DCDC2C: variants seen among roughly 807,000 people sequenced by gnomAD.
DCDC2C encodes the protein doublecortin domain containing 2C.
Under a neutral mutation model 45.0 loss-of-function variants are expected in DCDC2C, and 44 were observed. The ratio of observed to expected loss-of-function variants is 0.98; its 90% CI spans 0.77 to 1.26. The LOEUF (loss-of-function observed/expected upper bound fraction) is 1.26. Ranked by LOEUF, DCDC2C falls within the 50% of genes most tolerant of loss-of-function variation. DCDC2C has a pLI of 0.00. For missense variants in DCDC2C, 447 were observed against 468.9 expected (o/e 0.95, Z 0.43); for synonymous variants, 187 against 178.8 (o/e 1.05, Z -0.37).
At position 3,761,060 on chromosome 2, in the gene DCDC2C, T is replaced by G. The variant is rs1669867045; in HGVS notation, c.726+6426T>G. 6.6e-6 allele frequency among the ~76,000 whole-genome samples: 1 copy of G among 152,230 alleles called. No homozygotes were observed. The highest frequency in any genetic ancestry group is 6.5e-5 in the Admixed American group (1 of 15,292). On this transcript the variant is annotated intron_variant, in intron 6 of 10. Coordinates refer to ENST00000399143, the MANE Select transcript of DCDC2C (RefSeq NM_001287444.2). This position sits in a 1 kb window ranked among gnomAD's most constrained non-coding sequence, Gnocchi z 4.3. The stretch of plus-strand genomic sequence containing the variant: ...CAATTAACTGGAACTTTTAGTCCAA[T>G]GAAAGTAATTGAATGAAGCTACTCT...
At chr2:3,775,082 T>C (rs1039332750) in intron 8 of DCDC2C, among the ~76,000 whole-genome samples, 3 of 151,972 alleles carry the variant, frequency 2.0e-5, no homozygotes, top group Non-Finnish European at 4.4e-5. Context: ...TTTTTTTTTT[T>C]GGGTGAGGAA....
chr2:3,810,284 T>C (rs1451380711), intron 10 of DCDC2C, among the ~76,000 whole-genome samples: 1 of 152,230 alleles, frequency 6.6e-6, no homozygotes, highest in Non-Finnish European at 1.5e-5. Context: ...ATAATTGCCA[T>C]TTGGACTGGT....
chr2:3,762,559 C>T (rs1339676577), intron 6 of DCDC2C, among the ~76,000 whole-genome samples: 1 of 152,094 alleles, frequency 6.6e-6, no homozygotes, highest in Non-Finnish European at 1.5e-5. Flanking sequence ...GTAGGTGTCT[C>T]ACATGGCAAA....
At chr2:3,753,914 A>G (rs1159931081) in intron 5 of DCDC2C, among the ~76,000 whole-genome samples, 1 of 152,174 alleles carries the variant, frequency 6.6e-6, no homozygotes, top group Non-Finnish European at 1.5e-5. Flanking sequence ...CCTGGCACAC[A>G]TGGATATTTC....
chr2:3,826,408 A>G (rs1671816684), intron 10 of DCDC2C, among the ~76,000 whole-genome samples: 1 of 152,246 alleles, frequency 6.6e-6, no homozygotes, highest in Non-Finnish European at 1.5e-5. Context: ...TAAAGAGAAG[A>G]AAAATGATAT....
chr2:3,840,508 G>A (rs570043830), intron 10 of DCDC2C, among the ~76,000 whole-genome samples: 2 of 152,322 alleles, frequency 1.3e-5, no homozygotes, highest in South Asian at 4.2e-4. Context: ...TGTTGGCATG[G>A]CTTTCTGCGT....
intron 7 of DCDC2C, 186 bp from the exon 8 acceptor site, chr2:3,769,125 A>G: frequency 1.8e-6 from 1 of 567,908 alleles, no homozygotes; most frequent in Non-Finnish European, 3.2e-6. Context: ...GCACCTTGGC[A>G]GATGCAAACA....
At chr2:3,753,813 G>C (rs1669611456) in intron 5 of DCDC2C, among the ~76,000 whole-genome samples, 1 of 152,192 alleles carries the variant, frequency 6.6e-6, no homozygotes, top group Non-Finnish European at 1.5e-5. Flanking sequence ...CCTCAAGGCA[G>C]AGAAAGGCTC....
Position 3,788,499 on chromosome 2 carries a change from G to A in DCDC2C, c.1065+3399G>A, listed in dbSNP as rs555522046. The A allele has an allele frequency of 2.0e-5, 3 of 152,222 alleles. No homozygotes were observed. In the South Asian group the frequency reaches 6.2e-4, roughly 32 times the overall value. The allele number at this position is 152,222 out of a possible 1,614,324, so 9.4% of individuals were successfully genotyped here. A position where few individuals can be genotyped will look rare whatever the true frequency, so the allele number is the denominator to read the frequency against. On this transcript the variant is annotated intron_variant, in intron 10 of 10. Transcript: ENST00000399143. The stretch of plus-strand genomic sequence containing the variant: ...GTTCCAGGTGCAACGTGTATAAGAA[G>A]ATAATTGTGACATTTTTTCCCCCCA...
At chr2:3,781,394 G>A (rs1481443697) in intron 9 of DCDC2C, among the ~76,000 whole-genome samples, 1 of 152,234 alleles carries the variant, frequency 6.6e-6, no homozygotes, top group Non-Finnish European at 1.5e-5. Context: ...GACCGGGATT[G>A]TGTCCTGTCA....
At chr2:3,737,286 C>T (rs905810739) in intron 3 of DCDC2C, among the ~76,000 whole-genome samples, 4 of 152,170 alleles carry the variant, frequency 2.6e-5, no homozygotes, top group African/African-American at 9.7e-5. Flanking sequence ...CAGTTCAACT[C>T]AGCTTGGAAC....
intron 2 of DCDC2C, among the ~76,000 whole-genome samples, chr2:3,719,474 G>A (rs1180776983): frequency 6.6e-6 from 1 of 152,168 alleles, no homozygotes; most frequent in African/African-American, 2.4e-5. Context: ...CTCATTCCGA[G>A]CTGGAGCTGC....
At chr2:3,752,624 G>T in intron 4 of DCDC2C, 139 bp from the exon 5 acceptor site, 2 of 1,033,210 alleles carry the variant, frequency 1.9e-6, no homozygotes, top group Non-Finnish European at 2.9e-6. Flanking sequence ...TGGCCCGTTT[G>T]GATAACACGT....
At chr2:3,750,478 G>A (rs1669512661) in intron 4 of DCDC2C, among the ~76,000 whole-genome samples, 1 of 152,114 alleles carries the variant, frequency 6.6e-6, no homozygotes, top group Admixed American at 6.5e-5. Context: ...GTAAGCCTGA[G>A]GACATTCTAA....
chr2:3,839,585 G>A (rs966244779), intron 10 of DCDC2C, among the ~76,000 whole-genome samples: 3 of 152,096 alleles, frequency 2.0e-5, no homozygotes, highest in African/African-American at 7.2e-5. Context: ...GACCTCACAC[G>A]ATTGTAATCA....
Position 3,733,315 on chromosome 2 carries a change from A to G in DCDC2C, c.416+6236A>G, listed in dbSNP as rs116763672. 8.5e-3 allele frequency among the ~76,000 whole-genome samples: 1,297 copies of G among 152,342 alleles called. 12 individuals are homozygous for G. Among genetic ancestry groups the G allele is most frequent in the Non-Finnish European group, 0.014 (941 of 68,030 alleles). On this transcript the variant is annotated intron_variant, in intron 3 of 10. Coordinates refer to ENST00000399143, the MANE Select transcript of DCDC2C (RefSeq NM_001287444.2). ...CAGCTGCTTGGTCCAGCTAAAAGCT[A>G]AAGTGTTCAAGCCATTGTTTGTCCA...
At chr2:3,748,829 G>C (rs545062993) in intron 4 of DCDC2C, among the ~76,000 whole-genome samples, 113 of 152,238 alleles carry the variant, frequency 7.4e-4, no homozygotes, top group African/African-American at 2.6e-3. Flanking sequence ...TTAAAGTTTG[G>C]GACCCTGTCT....
intron 10 of DCDC2C, among the ~76,000 whole-genome samples, chr2:3,823,773 T>G (rs1367627318): frequency 1.3e-5 from 2 of 152,252 alleles, no homozygotes; most frequent in Non-Finnish European, 2.9e-5. Flanking sequence ...TTTTTGAATT[T>G]TTTTGAATTT....
At chr2:3,724,656 C>CGTGGTTTTGTGTGTGTT (rs1668588047) in intron 2 of DCDC2C, among the ~76,000 whole-genome samples, 1 of 152,120 alleles carries the variant, frequency 6.6e-6, no homozygotes, top group Non-Finnish European at 1.5e-5. Context: ...TGGTTTGTCT[C>CGTGGTTTTGTGTGTGTT]GTGGTTTTGT....
Sources: allele counts gnomAD v4.1 joint callset (sites outside exome capture counted in the v4.1 genomes callset), GRCh38; gene constraint gnomAD v4.1.1; non-coding constraint Gnocchi (gnomAD v3.1); transcripts MANE v1.5; gene names NCBI Gene and HGNC (gene_info 2026-07-23, HGNC 2026-07-21).